Variants in ZNF140 observed in about 807,000 individuals in gnomAD.
ZNF140 encodes zinc finger protein 140, also known as zinc finger protein 140 (clone pHZ-39).
ZNF140 carries 13 observed loss-of-function variants against 12.9 expected under a neutral mutation model. That is an observed-to-expected ratio of 1.01 (90% CI 0.66 to 1.60). The LOEUF is 1.60. Among genes scored for constraint, ZNF140 ranks in the 40% most tolerant of loss-of-function variants. The pLI is 0.00. For missense variants in ZNF140, 531 were observed against 548.8 expected (o/e 0.97, Z 0.32); for synonymous variants, 214 against 186.7 (o/e 1.15, Z -1.19).
intron 4 of ZNF140, among the ~76,000 whole-genome samples, chr12:133,104,480 T>G (rs1242140123): frequency 1.3e-5 from 2 of 151,950 alleles, no homozygotes; most frequent in Non-Finnish European, 2.9e-5. Context: ...GCCTCCTGAG[T>G]ACCTGGGACT....
chr12:133,094,126 A>G (rs1434690464), intron 4 of ZNF140, among the ~76,000 whole-genome samples: 3 of 151,280 alleles, frequency 2.0e-5, no homozygotes, highest in Admixed American at 6.6e-5. Context: ...AATGTGTAAC[A>G]GTCAATTAAT....
rs376746277 is a variant in ZNF140 at position 133,106,062 on chromosome 12, G to A, written c.785G>A (p.Arg262Gln). 174 of 1,613,874 alleles carry A rather than the reference G, an allele frequency of 1.1e-4. No homozygotes were observed. The highest frequency in any genetic ancestry group is 1.4e-4 in the Non-Finnish European group (165 of 1,180,014). Residue 262 changes from arginine to glutamine, a missense_variant, in exon 5 of 5, where the codon CGA becomes CAA. Transcript: ENST00000355557. The stretch of plus-strand genomic sequence containing the variant: ...TTTAGCCGTGCCTCCAACCTCACTC[G>A]ACATCAAAGAATTCACATAGGAAAG... ...KAFSRASNLT[R>Q]HQRIHIGKKQ...
At chr12:133,100,179 TTTTTTTTTG>T in intron 4 of ZNF140, among the ~76,000 whole-genome samples, 1 of 142,696 alleles carries the variant, frequency 7.0e-6, no homozygotes, top group African/African-American at 2.6e-5. Context: ...TTTTTTTTTT[TTTTTTTTTG>T]GCAGGGTCTT....
intron 4 of ZNF140, among the ~76,000 whole-genome samples, chr12:133,085,156 C>CTGGGACTA (rs1954635080): frequency 6.6e-6 from 1 of 152,070 alleles, no homozygotes; most frequent in African/African-American, 2.4e-5. Context: ...CCCTGAGTAA[C>CTGGGACTA]TGGGACTACA....
chr12:133,100,964 A>G, intron 4 of ZNF140: 3 of 453,480 alleles, frequency 6.6e-6, no homozygotes, highest in Admixed American at 4.7e-5. Context: ...TTTCTATTTA[A>G]TACTTTTAAA....
At chr12:133,092,722 A>G (rs1954935358) in intron 4 of ZNF140, among the ~76,000 whole-genome samples, 1 of 151,158 alleles carries the variant, frequency 6.6e-6, no homozygotes, top group Admixed American at 6.6e-5. Flanking sequence ...AATCACCATC[A>G]TAGGCCGGAT....
chr12:133,081,589 C>T (rs933532363), intron 2 of ZNF140: 2 of 454,798 alleles, frequency 4.4e-6, no homozygotes, highest in Non-Finnish European at 8.8e-6. Flanking sequence ...ACCCCAGGAC[C>T]CTGTCCCTTG....
At chr12:133,101,077 C>T in intron 4 of ZNF140, 1 of 390,248 alleles carries the variant, frequency 2.6e-6, no homozygotes. Flanking sequence ...CCTTTGACTT[C>T]TTTTTTCTTT....
chr12:133,083,293 T>C (rs911851853), intron 3 of ZNF140, 64 bp downstream of exon 3: 1 of 1,564,900 alleles, frequency 6.4e-7, no homozygotes, highest in Non-Finnish European at 8.7e-7. Flanking sequence ...GTTATAATTA[T>C]CTGGCTGAAT....
chr12:133,098,677 T>C (rs60093267), intron 4 of ZNF140, among the ~76,000 whole-genome samples: 33,026 of 152,166 alleles, frequency 0.22, 4,268 homozygotes, highest in Non-Finnish European at 0.29. Context: ...TTCACTTATA[T>C]GTAAGCTATA....
chr12:133,083,720 G>A (rs1235732659), intron 4 of ZNF140, among the ~76,000 whole-genome samples, 159 bp downstream of exon 4: 2 of 152,298 alleles, frequency 1.3e-5, no homozygotes, highest in African/African-American at 4.8e-5. Context: ...AGCACTTTGG[G>A]AGGCCGAGGT....
intron 4 of ZNF140, among the ~76,000 whole-genome samples, chr12:133,083,960 A>C (rs1954588766): frequency 7.1e-6 from 1 of 141,628 alleles, no homozygotes; most frequent in Non-Finnish European, 1.6e-5. Context: ...ACTCCATCTC[A>C]AAAAAAAAAA....
intron 4 of ZNF140, among the ~76,000 whole-genome samples, chr12:133,100,173 T>TTTTG (rs1955291404): frequency 7.2e-6 from 1 of 139,610 alleles, no homozygotes; most frequent in African/African-American, 2.8e-5. Context: ...TTTTTTTTTT[T>TTTTG]TTTTTTTTTT....
chr12:133,084,407 T>G (rs1329967145), intron 4 of ZNF140, among the ~76,000 whole-genome samples: 6 of 152,238 alleles, frequency 3.9e-5, no homozygotes, highest in African/African-American at 1.4e-4. Flanking sequence ...TATTAAGTGC[T>G]ACAGAGACTA....
chr12:133,099,737 A>G (rs1050773461), intron 4 of ZNF140, among the ~76,000 whole-genome samples: 1 of 152,102 alleles, frequency 6.6e-6, no homozygotes, highest in South Asian at 2.1e-4. Flanking sequence ...CTTAAATGCT[A>G]TTCCTTTCTT....
In ZNF140 at chr12:133,106,399, A is replaced by G. The variant is rs780929807; in HGVS notation, c.1122A>G (p.Gln374=). ...TCACTTGGCATGCATCCCTTATTCA[A>G]CATACGAAGAGTCACACTGGAGAGA... ...KVFTWHASLI[Q]HTKSHTGEKP... The change falls in exon 5 of 5, where the codon CAA becomes CAG. Residue 374 remains glutamine (Q), a synonymous_variant. Coordinates refer to ENST00000355557, the MANE Select transcript of ZNF140 (RefSeq NM_003440.4). 34 of 1,614,076 alleles carry G rather than the reference A, an allele frequency of 2.1e-5. No homozygotes were observed. In the East Asian group the frequency reaches 2.7e-4, roughly 13 times the overall value.
At position 133,106,016 on chromosome 12, in the gene ZNF140, T is replaced by G. The variant is rs1255627819; in HGVS notation, c.739T>G (p.Cys247Gly). The G allele has an allele frequency of 3.1e-6, 5 of 1,614,036 alleles. No individual in the cohort carries two copies. Among genetic ancestry groups the G allele is most frequent in the Non-Finnish European group, 8.5e-7 (1 of 1,180,046 alleles). Residue 247 changes from cysteine to glycine, a missense_variant, in exon 5 of 5, where the codon TGT becomes GGT. Transcript: ENST00000355557. Reference sequence around the variant, plus strand: ...GCACACTGGGGAGAAACCTTATGAATGTACTGAGTGTGGAAAGGCCTTTAG... The same window carrying G: ...GCACACTGGGGAGAAACCTTATGAAGGTACTGAGTGTGGAAAGGCCTTTAG... ...RTHTGEKPYECTECGKAFSRA... is the reference protein window; with the variant it reads ...RTHTGEKPYEGTECGKAFSRA...
chr12:133,091,292 A>T (rs1012692707), intron 4 of ZNF140, among the ~76,000 whole-genome samples: 2 of 150,944 alleles, frequency 1.3e-5, no homozygotes, highest in Non-Finnish European at 2.9e-5. Context: ...ACTTTTACCA[A>T]GTATACTGCT....
intron 4 of ZNF140, among the ~76,000 whole-genome samples, chr12:133,090,421 G>A (rs1299966494): frequency 6.6e-6 from 1 of 152,158 alleles, no homozygotes; most frequent in Non-Finnish European, 1.5e-5. Flanking sequence ...GGGATTACAG[G>A]TGTGAGCCAC....
Sources: gnomAD v4.1 joint callset for allele counts (sites outside exome capture counted in the v4.1 genomes callset) on GRCh38, gnomAD v4.1.1 for gene constraint, MANE v1.5 for transcripts, NCBI Gene and HGNC (gene_info 2026-07-23, HGNC 2026-07-21) for gene names.